GLI3: variants seen among roughly 807,000 people sequenced by gnomAD.
GLI3 encodes the protein transcription activator GLI3.
GLI3 carries 20 observed loss-of-function variants against 100.8 expected under a neutral mutation model. That is an observed-to-expected ratio of 0.20 (90% CI 0.14 to 0.29). GLI3 has a LOEUF of 0.29. Among genes scored for constraint, GLI3 ranks in the 10% least tolerant of loss-of-function variants. The pLI, the probability that GLI3 is intolerant of heterozygous loss-of-function variation, is 1.00. For missense variants in GLI3, 2,040 were observed against 2,128.5 expected (o/e 0.96, Z 0.82); for synonymous variants, 938 against 860.5 (o/e 1.09, Z -1.58).
At chr7:42,192,149 A>G (rs1046261606) in intron 2 of GLI3, among the ~76,000 whole-genome samples, 1 of 152,190 alleles carries the variant, frequency 6.6e-6, no homozygotes, top group African/African-American at 2.4e-5. Flanking sequence ...CACAATTCCA[A>G]TCGCAATCTA....
chr7:42,047,369 G>A (rs1784265355), intron 5 of GLI3, among the ~76,000 whole-genome samples: 1 of 152,202 alleles, frequency 6.6e-6, no homozygotes, highest in Non-Finnish European at 1.5e-5. Flanking sequence ...CCTCAGGAAG[G>A]CGTCTACCTA....
In GLI3 at chr7:41,966,200, G is replaced by T; in HGVS notation, c.2873C>A (p.Ala958Glu). The T allele has an allele frequency of 6.2e-7, 1 of 1,606,326 alleles. No homozygotes were observed. Among genetic ancestry groups the T allele is most frequent in the Non-Finnish European group, 8.5e-7 (1 of 1,178,416 alleles). Residue 958 changes from alanine to glutamate, a missense_variant, in exon 15 of 15, where the codon GCG becomes GAG. Physicochemically the swap from Ala to Glu is moderately radical, Grantham distance 107 (BLOSUM62 -1). This residue lies in a region of GLI3 where 1,041 missense variants were observed against 924.0 expected (regional missense o/e 1.13). Transcript: ENST00000395925. This position sits in a 1 kb window ranked among gnomAD's most constrained non-coding sequence, Gnocchi z 5.8. ...MERMSLKTRL[A>E]LLGDALEPGV... Reference sequence around the variant, plus strand: ...AGGCTCGAGGGCATCCCCGAGCAGCGCCAGGCGCGTCTTCAGGCTCATCCT... The same window carrying T: ...AGGCTCGAGGGCATCCCCGAGCAGCTCCAGGCGCGTCTTCAGGCTCATCCT...
At chr7:42,146,885 C>T (rs919407146) in intron 3 of GLI3, among the ~76,000 whole-genome samples, 2 of 152,126 alleles carry the variant, frequency 1.3e-5, no homozygotes, top group Admixed American at 1.3e-4. Context: ...ACTAAGTAAA[C>T]CCTGAATGAA....
At chr7:42,223,083 C>T (rs770317763) in intron 2 of GLI3, 47 bp downstream of exon 2, 1 of 1,609,962 alleles carries the variant, frequency 6.2e-7, no homozygotes, top group Admixed American at 1.7e-5. Context: ...GCAGAGAACA[C>T]AGAAATGACT....
At chr7:42,160,689 TGCTG>T (rs1342561236) in intron 2 of GLI3, among the ~76,000 whole-genome samples, 1 of 152,192 alleles carries the variant, frequency 6.6e-6, no homozygotes, top group Non-Finnish European at 1.5e-5. Flanking sequence ...TTCTTTGGGC[TGCTG>T]CTTCCCCTTA....
At chr7:42,163,645 G>A (rs1232507042) in intron 2 of GLI3, among the ~76,000 whole-genome samples, 6 of 151,986 alleles carry the variant, frequency 3.9e-5, no homozygotes, top group Non-Finnish European at 8.8e-5. Context: ...GGTCAGGCTG[G>A]TCTTGAACTC....
chr7:42,037,967 G>A (rs1784052414), intron 7 of GLI3, among the ~76,000 whole-genome samples: 1 of 152,190 alleles, frequency 6.6e-6, no homozygotes. Flanking sequence ...TTTAGATGCT[G>A]TAAAAAGTCA....
chr7:42,060,842 T>A (rs557349295), intron 4 of GLI3, among the ~76,000 whole-genome samples: 1 of 152,312 alleles, frequency 6.6e-6, no homozygotes, highest in Non-Finnish European at 1.5e-5. Context: ...TGTTACATTT[T>A]CCAACAATGC....
In GLI3 at chr7:41,964,839, T is replaced by C. The variant is rs752320089; in HGVS notation, c.4234A>G (p.Thr1412Ala). 3.1e-6 allele frequency: 5 copies of C among 1,613,974 alleles called. No homozygotes were observed. Among genetic ancestry groups the C allele is most frequent in the Non-Finnish European group, 2.5e-6 (3 of 1,180,032 alleles). ...CCATTCACCCTGCAGGTCTGACTTGTGTCACTGAGCTGTCCTGACTGCAGA... is the reference window on the plus strand; with the variant it reads ...CCATTCACCCTGCAGGTCTGACTTGCGTCACTGAGCTGTCCTGACTGCAGA... ...LALQSGQLSD[T>A]SQTCRVNGIK... is the part of the protein sequence containing the mutation. Residue 1412 changes from threonine (T) to alanine (A), a missense_variant, in exon 15 of 15, where the codon ACA becomes GCA. Around this residue, in one of 5 missense-constraint regions of GLI3, gnomAD observed 1,041 missense variants for 924.0 expected, o/e 1.13. Transcript: ENST00000395925.
chr7:42,025,153 C>A, intron 9 of GLI3, 111 bp downstream of exon 9: 1 of 739,242 alleles, frequency 1.4e-6, no homozygotes, highest in Admixed American at 1.8e-5. Context: ...ATGCAGTGGA[C>A]AAGGAACTGC....
intron 3 of GLI3, among the ~76,000 whole-genome samples, chr7:42,105,585 G>A (rs1785555622): frequency 6.6e-6 from 1 of 152,118 alleles, no homozygotes; most frequent in Non-Finnish European, 1.5e-5. Flanking sequence ...AAGATAATAT[G>A]TACTTAAGTT....
rs2128707154 is a variant in GLI3 at position 41,967,786 on chromosome 7, G to A, written c.2241C>T (p.Thr747=). ...TGGAAATGGTTGAGTCCATGATTGG[G>A]GTTTCATCGATGGCACTGAGGTCTC... The part of the protein sequence containing the change: ...SIGDLSAIDE[T]PIMDSTISTA... Residue 747 remains threonine (T), a synonymous_variant, in exon 14 of 15, where the codon ACC becomes ACT. Transcript: ENST00000395925. The A allele has an allele frequency of 6.2e-7, 1 of 1,614,080 alleles. No homozygotes were observed. Among genetic ancestry groups the A allele is most frequent in the Non-Finnish European group, 8.5e-7 (1 of 1,179,962 alleles).
At chr7:42,092,650 C>T (rs1412836163) in intron 3 of GLI3, among the ~76,000 whole-genome samples, 3 of 152,148 alleles carry the variant, frequency 2.0e-5, no homozygotes, top group Non-Finnish European at 2.9e-5. Context: ...CAGTGGGCAC[C>T]GCACTGCCCC....
At chr7:42,190,436 A>C (rs1787804428) in intron 2 of GLI3, among the ~76,000 whole-genome samples, 1 of 152,204 alleles carries the variant, frequency 6.6e-6, no homozygotes, top group Non-Finnish European at 1.5e-5. Context: ...TCAAAATTCT[A>C]TGCAATTAAA....
intron 4 of GLI3, among the ~76,000 whole-genome samples, chr7:42,049,506 G>A (rs1182779678): frequency 1.3e-5 from 2 of 152,232 alleles, no homozygotes; most frequent in African/African-American, 4.8e-5. Context: ...GAAAGTTGGG[G>A]AAGAATGCAT....
intron 3 of GLI3, among the ~76,000 whole-genome samples, chr7:42,136,739 A>G (rs1786436922): frequency 1.3e-5 from 2 of 152,196 alleles, no homozygotes; most frequent in Admixed American, 1.3e-4. Flanking sequence ...GGGATGCATA[A>G]GAACAAAGCC....
chr7:42,134,881 G>T (rs950694644), intron 3 of GLI3, among the ~76,000 whole-genome samples: 2 of 152,020 alleles, frequency 1.3e-5, no homozygotes, highest in African/African-American at 2.4e-5. Context: ...AGCTGGAACG[G>T]ATCAAGCAGA....
chr7:42,182,566 T>TA (rs1787614064), intron 2 of GLI3, among the ~76,000 whole-genome samples: 1 of 148,474 alleles, frequency 6.7e-6, no homozygotes, highest in Non-Finnish European at 1.5e-5. Flanking sequence ...TATTACCAAC[T>TA]TTCCAATATT....
intron 2 of GLI3, among the ~76,000 whole-genome samples, chr7:42,161,097 A>G (rs144826261): frequency 6.6e-6 from 1 of 152,354 alleles, no homozygotes; most frequent in Non-Finnish European, 1.5e-5. Flanking sequence ...TCCATAAACA[A>G]TATTTACTAA....
Sources: allele counts gnomAD v4.1 joint callset (sites outside exome capture counted in the v4.1 genomes callset), GRCh38; gene constraint gnomAD v4.1.1; regional missense constraint gnomAD v4.1.1; non-coding constraint Gnocchi (gnomAD v3.1); transcripts MANE v1.5; gene names NCBI Gene and HGNC (gene_info 2026-07-23, HGNC 2026-07-21).